The following GPHN variants were observed in gnomAD, a reference collection of about 807,000 sequenced individuals.
The protein encoded by GPHN is gephyrin.
GPHN carries 17 observed loss-of-function variants against 95.5 expected under a neutral mutation model. The ratio of observed to expected loss-of-function variants is 0.18; its 90% CI spans 0.12 to 0.27. The LOEUF is 0.27. GPHN is among the 10% of genes least tolerant of loss of function. The pLI is 1.00. For synonymous variants in GPHN, 320 were observed against 322.5 expected (o/e 0.99, Z 0.08); for missense variants, 660 against 978.1 (o/e 0.67, Z 4.34).
the GPHN span, among the ~76,000 whole-genome samples, chr14:67,580,500 T>C: frequency 6.6e-6 from 1 of 152,270 alleles, no homozygotes; most frequent in Non-Finnish European, 1.5e-5. Flanking sequence ...AAGGCTTCTA[T>C]GGTCTTTTAA....
chr14:67,731,347 TG>T, the GPHN span, among the ~76,000 whole-genome samples: 1 of 151,518 alleles, frequency 6.6e-6, no homozygotes, highest in Admixed American at 6.6e-5. Context: ...CCCGAGTAGC[TG>T]GGATTACAGG....
chr14:67,469,528 C>T, the GPHN span, among the ~76,000 whole-genome samples: 3 of 143,242 alleles, frequency 2.1e-5, no homozygotes, highest in Non-Finnish European at 4.5e-5. Context: ...TCAAGTAATC[C>T]TCCTGCTTCA....
intron 5 of GPHN, among the ~76,000 whole-genome samples, chr14:66,900,959 T>C (rs115149281): frequency 1.9e-3 from 287 of 152,076 alleles, no homozygotes; most frequent in African/African-American, 6.8e-3. Context: ...TATGAGGAAA[T>C]TCCATACTGC....
At chr14:66,699,565 A>G (rs959338815) in intron 2 of GPHN, among the ~76,000 whole-genome samples, 9 of 152,174 alleles carry the variant, frequency 5.9e-5, no homozygotes, top group African/African-American at 2.2e-4. Context: ...TTGTTGTTGA[A>G]TAATTTCAGG....
the GPHN span, among the ~76,000 whole-genome samples, chr14:67,341,363 G>A: frequency 3.0e-3 from 444 of 149,900 alleles, 4 homozygotes; most frequent in African/African-American, 0.011. Flanking sequence ...CCCGGCAGCC[G>A]CCCCATCTGA....
At chr14:66,944,250 C>T (rs532994466) in intron 8 of GPHN, among the ~76,000 whole-genome samples, 1 of 152,154 alleles carries the variant, frequency 6.6e-6, no homozygotes, top group Non-Finnish European at 1.5e-5. Context: ...AAGGAAAATC[C>T]AAGGCGGTTC....
At chr14:67,678,648 G>A in the GPHN span, among the ~76,000 whole-genome samples, 1 of 152,118 alleles carries the variant, frequency 6.6e-6, no homozygotes, top group African/African-American at 2.4e-5. Context: ...AGAATGCTTT[G>A]TTTGATATAT....
the GPHN span, chr14:67,359,888 G>T: frequency 1.5e-6 from 1 of 660,262 alleles, no homozygotes; most frequent in Non-Finnish European, 2.6e-6. Context: ...CGACGAAGGG[G>T]GAGGACAGAA....
chr14:67,217,067 G>C, the GPHN span, among the ~76,000 whole-genome samples: 8 of 152,092 alleles, frequency 5.3e-5, no homozygotes, highest in Non-Finnish European at 1.0e-4. Flanking sequence ...TCTAATATTT[G>C]CTTTATAAAT....
intron 9 of GPHN, among the ~76,000 whole-genome samples, chr14:67,014,050 AATCTTACTTG>A (rs545687166): frequency 6.6e-5 from 10 of 152,136 alleles, no homozygotes; most frequent in African/African-American, 1.7e-4. Context: ...CACCTAAATT[AATCTTACTTG>A]ATCTTACTTT....
At chr14:67,225,961 G>GTGTGTGTGTGTC in the GPHN span, among the ~76,000 whole-genome samples, 2 of 112,302 alleles carry the variant, frequency 1.8e-5, no homozygotes, top group Non-Finnish European at 3.2e-5. Flanking sequence ...GTGTGTGTGT[G>GTGTGTGTGTGTC]TGCGCGCGCG....
the GPHN span, among the ~76,000 whole-genome samples, chr14:67,366,825 G>A: frequency 5.0e-5 from 7 of 139,284 alleles, no homozygotes; most frequent in Admixed American, 2.2e-4. Context: ...AAGGTGAGTC[G>A]ACACTTATAA....
chr14:66,965,384 A>C, intron 9 of GPHN, 59 bp downstream of exon 9: 1 of 1,453,696 alleles, frequency 6.9e-7, no homozygotes, highest in Non-Finnish European at 9.7e-7. Flanking sequence ...GGGAAAACTA[A>C]CCAATATTTC....
intron 6 of GPHN, among the ~76,000 whole-genome samples, chr14:66,916,864 G>A (rs968100239): frequency 1.1e-4 from 16 of 152,248 alleles, no homozygotes; most frequent in African/African-American, 3.6e-4. Context: ...TTATTGTATA[G>A]CAACACAGTC....
intron 1 of GPHN, among the ~76,000 whole-genome samples, chr14:66,573,828 T>C (rs1196303681): frequency 6.6e-6 from 1 of 152,154 alleles, no homozygotes; most frequent in East Asian, 1.9e-4. Context: ...ACTCCTGCCC[T>C]CTTTTGGTTT....
the GPHN span, chr14:67,589,853 C>G: frequency 8.3e-7 from 1 of 1,209,620 alleles, no homozygotes; most frequent in African/African-American, 1.6e-5. Flanking sequence ...TTAAGGTCTC[C>G]CCTCCTTTGG....
chr14:66,927,966 C>T (rs1008563841), intron 8 of GPHN, among the ~76,000 whole-genome samples: 4 of 152,138 alleles, frequency 2.6e-5, no homozygotes, highest in Non-Finnish European at 5.9e-5. Flanking sequence ...ATTTTTACAT[C>T]AATGTTAATC....
chr14:67,593,904 G>C, the GPHN span: 2 of 1,613,430 alleles, frequency 1.2e-6, no homozygotes, highest in Admixed American at 3.3e-5. Flanking sequence ...AGATAACCAA[G>C]CAGACCTAAG....
At chr14:67,409,379 C>G in the GPHN span, among the ~76,000 whole-genome samples, 1 of 152,134 alleles carries the variant, frequency 6.6e-6, no homozygotes, top group African/African-American at 2.4e-5. Context: ...CTCATCTCTA[C>G]AAAAATACAA....
Sources: gnomAD v4.1 joint callset for allele counts (sites outside exome capture counted in the v4.1 genomes callset) on GRCh38, gnomAD v4.1.1 for gene constraint, MANE v1.5 for transcripts, NCBI Gene and HGNC (gene_info 2026-07-23, HGNC 2026-07-21) for gene names.